The following SMARCC1 variants were observed in gnomAD, a reference collection of about 807,000 sequenced individuals.
SMARCC1 encodes SWI/SNF related BAF chromatin remodeling complex subunit C1, also known as SWI/SNF complex subunit SMARCC1.
In SMARCC1, 43 loss-of-function variants were observed where a neutral mutation model predicts 147.4. The ratio of observed to expected loss-of-function variants is 0.29; its 90% CI spans 0.23 to 0.38. The LOEUF (loss-of-function observed/expected upper bound fraction) is 0.38, where lower values mean the gene tolerates loss of function less well. SMARCC1 is among the 10% of genes least tolerant of loss of function. SMARCC1 has a pLI of 1.00. For missense variants in SMARCC1, 1,119 were observed against 1,381.1 expected (o/e 0.81, Z 3.01); for synonymous variants, 495 against 484.4 (o/e 1.02, Z -0.29).
intron 14 of SMARCC1, among the ~76,000 whole-genome samples, chr3:47,685,672 A>G (rs563155109): frequency 4.6e-5 from 7 of 152,214 alleles, no homozygotes; most frequent in Admixed American, 3.9e-4. Flanking sequence ...ACCCTGGCCA[A>G]GATGGTGAAA....
At chr3:47,708,592 G>C (rs1040676916) in intron 9 of SMARCC1, among the ~76,000 whole-genome samples, 43 of 151,900 alleles carry the variant, frequency 2.8e-4, no homozygotes, top group African/African-American at 1.0e-3. Flanking sequence ...AAAAAGCCTT[G>C]GATTAAAATA....
chr3:47,633,764 AT>A (rs375307597), intron 24 of SMARCC1, among the ~76,000 whole-genome samples: 21,660 of 39,542 alleles, frequency 0.55, 6,989 homozygotes, highest in East Asian at 0.77. Context: ...AAAAAAAAAA[AT>A]ATATATATAT....
At chr3:47,624,329 C>CA (rs1254427410) in intron 24 of SMARCC1, among the ~76,000 whole-genome samples, 2 of 151,616 alleles carry the variant, frequency 1.3e-5, no homozygotes, top group Admixed American at 1.3e-4. Flanking sequence ...CAGCAGGTAT[C>CA]AAAAAAATTA....
intron 10 of SMARCC1, among the ~76,000 whole-genome samples, chr3:47,703,182 C>A (rs910191793): frequency 6.6e-6 from 1 of 152,270 alleles, no homozygotes; most frequent in South Asian, 2.1e-4. Context: ...AATCTGCCCA[C>A]CTCAGCCTCC....
At chr3:47,605,458 A>G (rs896923127) in intron 26 of SMARCC1, among the ~76,000 whole-genome samples, 1 of 152,158 alleles carries the variant, frequency 6.6e-6, no homozygotes, top group African/African-American at 2.4e-5. Context: ...CACATCTCAG[A>G]TATACAGTGT....
chr3:47,652,623 CA>C (rs11377736), intron 21 of SMARCC1, among the ~76,000 whole-genome samples: 64 of 134,896 alleles, frequency 4.7e-4, no homozygotes, highest in Non-Finnish European at 4.9e-4. Flanking sequence ...CTTGCTTTTG[CA>C]AAAAAAAAAA....
At chr3:47,647,681 G>A (rs1411103827) in intron 21 of SMARCC1, among the ~76,000 whole-genome samples, 1 of 152,172 alleles carries the variant, frequency 6.6e-6, no homozygotes, top group African/African-American at 2.4e-5. Flanking sequence ...AGAACAGAAT[G>A]AAGCACATGG....
In SMARCC1 at chr3:47,670,644, A is replaced by C. The variant is rs2033482867; in HGVS notation, c.1899+14T>G. On this transcript the variant is annotated intron_variant, in intron 19 of 27. Coordinates refer to ENST00000254480, the MANE Select transcript of SMARCC1 (RefSeq NM_003074.4). The stretch of plus-strand genomic sequence containing the variant: ...GAATCTTAGCACACATCCCATATGC[A>C]TTAATCTGCTTACCTCCAGGAGTAG... 1.4e-6 allele frequency: 2 copies of C among 1,472,934 alleles called. No individual in the cohort carries two copies. 91.2% of individuals were successfully genotyped at this position (1,472,934 alleles called of 1,614,324 possible).
chr3:47,735,037 G>A (rs975260129), intron 5 of SMARCC1, among the ~76,000 whole-genome samples: 6 of 151,982 alleles, frequency 3.9e-5, no homozygotes, highest in Non-Finnish European at 7.4e-5. Flanking sequence ...TTACAGGCGT[G>A]AGCCACCACG....
intron 2 of SMARCC1, among the ~76,000 whole-genome samples, chr3:47,763,396 G>A (rs1191754915): frequency 7.5e-6 from 1 of 134,126 alleles, no homozygotes; most frequent in African/African-American, 2.6e-5. Context: ...ACAATAGCGA[G>A]ACTCCAGCTC....
chr3:47,666,354 A>C (rs2033419850), intron 19 of SMARCC1, among the ~76,000 whole-genome samples: 1 of 152,236 alleles, frequency 6.6e-6, no homozygotes, highest in South Asian at 2.1e-4. Context: ...AAAGCTGGGA[A>C]TTCCGCATTC....
In SMARCC1 at chr3:47,703,441, AC is replaced by A. The variant is rs2033951086; in HGVS notation, c.1041-2040del. 3.6e-5 allele frequency among the ~76,000 whole-genome samples: 5 copies of A among 138,298 alleles called. No individual in the cohort carries two copies. The South Asian group carries it at 1.2e-3, about 32-fold the overall frequency. 90.7% of individuals were successfully genotyped at this position (138,298 alleles called of 152,430 possible). ...AGCAGATGTTATTATACTAATTTAA[AC>A]CCCTAATTTATTTGTTATCATTTTT... On this transcript the variant is annotated intron_variant, in intron 10 of 27. Coordinates refer to ENST00000254480, the MANE Select transcript of SMARCC1 (RefSeq NM_003074.4).
At chr3:47,743,812 C>CAAA (rs35760519) in intron 3 of SMARCC1, among the ~76,000 whole-genome samples, 4 of 76,152 alleles carry the variant, frequency 5.3e-5, no homozygotes, top group African/African-American at 1.5e-4. Context: ...GACTATGTCT[C>CAAA]AAAAAAAAAA....
intron 3 of SMARCC1, among the ~76,000 whole-genome samples, chr3:47,740,299 G>A (rs919179898): frequency 7.0e-5 from 10 of 143,148 alleles, no homozygotes; most frequent in South Asian, 2.3e-4. Flanking sequence ...GGGTTCAAGC[G>A]ATTCTCCTGC....
rs376238666 is a variant in SMARCC1, at chr3:47,734,696, CAGA to C, written c.576+1335_576+1337del. Among the ~76,000 whole-genome samples, 4 of 152,280 alleles carry C rather than the reference CAGA, an allele frequency of 2.6e-5. 1 individual carries two copies. Among genetic ancestry groups the C allele is most frequent in the South Asian group, 4.1e-4 (2 of 4,824 alleles). On this transcript the variant is annotated intron_variant, in intron 5 of 27. Coordinates refer to ENST00000254480, the MANE Select transcript of SMARCC1 (RefSeq NM_003074.4). ...CCAAAGTCTCAGCCTAAAATGAAGT[CAGA>C]AGAAGAAGGCTAAGATGTCAGAACA... is the stretch of plus-strand genomic sequence containing the variant.
At chr3:47,724,059 GGTGA>G (rs1283019412) in intron 6 of SMARCC1, among the ~76,000 whole-genome samples, 1 of 152,128 alleles carries the variant, frequency 6.6e-6, no homozygotes, top group Non-Finnish European at 1.5e-5. Context: ...GCGCACCGTT[GGTGA>G]GTATGTAAAA....
intron 25 of SMARCC1, among the ~76,000 whole-genome samples, chr3:47,618,740 A>G (rs2032684515): frequency 6.6e-6 from 1 of 152,142 alleles, no homozygotes; most frequent in South Asian, 2.1e-4. Context: ...TAGGGGACAG[A>G]CAACAGATCC....
At chr3:47,731,688 G>C (rs1487255656) in intron 5 of SMARCC1, among the ~76,000 whole-genome samples, 1 of 152,234 alleles carries the variant, frequency 6.6e-6, no homozygotes, top group African/African-American at 2.4e-5. Flanking sequence ...ATCTGCAACA[G>C]AGTGACTAGG....
chr3:47,735,998 G>C, intron 5 of SMARCC1, 36 bp downstream of exon 5: 1 of 927,652 alleles, frequency 1.1e-6, no homozygotes, highest in Non-Finnish European at 1.7e-6. Context: ...TGAAGTGATC[G>C]TGTCTATTAT....
Sources: gnomAD v4.1 joint callset for allele counts (sites outside exome capture counted in the v4.1 genomes callset) on GRCh38, gnomAD v4.1.1 for gene constraint, MANE v1.5 for transcripts, NCBI Gene and HGNC (gene_info 2026-07-23, HGNC 2026-07-21) for gene names.